The following CRB2 variants were observed in gnomAD, a reference collection of about 807,000 sequenced individuals.
CRB2 encodes the protein crumbs cell polarity complex component 2.
In CRB2, 85 loss-of-function variants were observed where a neutral mutation model predicts 110.9. The observed-to-expected ratio is 0.77, with a 90% CI of 0.64 to 0.92. The LOEUF (loss-of-function observed/expected upper bound fraction) is 0.92. CRB2 is among the 40% of genes least tolerant of loss of function. The pLI, the probability that CRB2 is intolerant of heterozygous loss-of-function variation, is 0.00. For synonymous variants in CRB2, 907 were observed against 831.0 expected (o/e 1.09, Z -1.57); for missense variants, 1,843 against 1,851.3 (o/e 1.00, Z 0.08).
rs754674614 is a variant in CRB2 at position 123,368,912 on chromosome 9, G to A, written c.1055-1196G>A. 9.0e-5 allele frequency: 114 copies of A among 1,263,460 alleles called. 1 individual carries two copies. The South Asian group carries it at 1.4e-3, about 15-fold the overall frequency. 78.3% of individuals were successfully genotyped at this position (1,263,460 alleles called of 1,614,324 possible). On this transcript the variant is annotated intron_variant, in intron 6 of 12. Coordinates refer to ENST00000373631, the MANE Select transcript of CRB2 (RefSeq NM_173689.7). ...GCATGGCAATGGAGCCGGGGGCTCT[G>A]TGGACCTTCCTGGGCCACCTGTGGC...
Position 123,365,947 on chromosome 9 carries a change from G to T in CRB2, c.449G>T (p.Cys150Phe). The change falls in exon 3 of 13, where the codon TGC (cysteine) becomes TTC (phenylalanine). Residue 150 changes from cysteine (C) to phenylalanine (F), a missense_variant. Coordinates refer to ENST00000373631, the MANE Select transcript of CRB2 (RefSeq NM_173689.7). ...ACCTGCGAGATGGAGGTGGACGAGT[G>T]CGCCTCAGCGCCCTGCCTGCACGGG... ...GVTCEMEVDE[C>F]ASAPCLHGGS... 1 of 1,596,644 alleles carries T rather than the reference G, an allele frequency of 6.3e-7. No homozygotes were observed.
rs766157498 is a variant in CRB2 at position 123,371,026 on chromosome 9, C to G, written c.1928-44C>G. 6.9e-6 allele frequency: 11 copies of G among 1,596,922 alleles called. No homozygotes were observed. The Admixed American group carries it at 1.9e-4, about 27-fold the overall frequency. On this transcript the variant is annotated intron_variant, in intron 7 of 12. Transcript: ENST00000373631. ...GAAGGCAGCACCTGAGATCTGCCTC[C>G]CTCAGCCTGCAGGCCTCACACCTGG...
Position 123,374,655 on chromosome 9 carries a change from G to A in CRB2, c.3466G>A (p.Ala1156Thr), listed in dbSNP as rs201603014. 9.6e-4 allele frequency: 1,541 copies of A among 1,612,438 alleles called. 19 individuals are homozygous for A. In the South Asian group the frequency reaches 0.014, roughly 15 times the overall value. Residue 1156 changes from alanine (A) to threonine (T), a missense_variant, in exon 11 of 13, where the codon GCT becomes ACT. Ala to Thr is a moderately conservative substitution (Grantham distance 58, BLOSUM62 0). Coordinates refer to ENST00000373631, the MANE Select transcript of CRB2 (RefSeq NM_173689.7). ...CAGCCCATGTGAGGGTGGCTCTCCC[G>A]CTGCCAACTGCAGCTGCCTGGAGGG... is the stretch of plus-strand genomic sequence containing the variant. ...DGSPCEGGSP[A>T]ANCSCLEGLA...
At chr9:123,378,798 G>GGTTTTTT (rs2042147702), downstream of CRB2, 1 of 71,734 alleles carries the variant, frequency 1.4e-5, no homozygotes, top group East Asian at 4.8e-4. Flanking sequence ...TCGGGTGCCT[G>GGTTTTTT]TTTTTTGTTT....
chr9:123,356,069 CT>C, upstream of CRB2: 1 of 439,408 alleles, frequency 2.3e-6, no homozygotes, highest in Middle Eastern at 5.7e-4. Flanking sequence ...GGGCTGATGT[CT>C]AGGGACGTCC....
intron 2 of CRB2, among the ~76,000 whole-genome samples, chr9:123,364,489 C>A (rs1380160040): frequency 2.0e-5 from 3 of 152,150 alleles, no homozygotes; most frequent in Non-Finnish European, 2.9e-5. Context: ...TCTTTCCATT[C>A]CAAGCCGGGT....
At chr9:123,357,029 G>A (rs953601790) in intron 1 of CRB2, among the ~76,000 whole-genome samples, 1 of 152,018 alleles carries the variant, frequency 6.6e-6, no homozygotes, top group African/African-American at 2.4e-5. Context: ...GTGCCTGCCC[G>A]CACCCCTCCA....
chr9:123,374,134 T>G (rs2042066543), intron 10 of CRB2: 1 of 775,732 alleles, frequency 1.3e-6, no homozygotes. Context: ...TAAACAGCGC[T>G]GTGGTCTGGG....
At chr9:123,357,035 C>T (rs1281397937) in intron 1 of CRB2, among the ~76,000 whole-genome samples, 1 of 152,082 alleles carries the variant, frequency 6.6e-6, no homozygotes, top group Non-Finnish European at 1.5e-5. Flanking sequence ...GCCCGCACCC[C>T]TCCATTTGTG....
In CRB2 at chr9:123,370,309, T is replaced by C. The variant is rs1459064888; in HGVS notation, c.1256T>C (p.Val419Ala). ...ATCIPIFESGVHSYVCHCPPG... is the reference protein window; with the variant it reads ...ATCIPIFESGAHSYVCHCPPG... ...TGCATCCCTATCTTCGAGTCTGGGGTCCACAGTTACGTCTGCCACTGCCCA... is the reference window on the plus strand; with the variant it reads ...TGCATCCCTATCTTCGAGTCTGGGGCCCACAGTTACGTCTGCCACTGCCCA... The change falls in exon 7 of 13, where the codon GTC becomes GCC. Residue 419 changes from valine (V) to alanine (A), a missense_variant. Physicochemically the swap from Val to Ala is moderately conservative, Grantham distance 64. Transcript: ENST00000373631. 2 of 1,613,302 alleles carry C rather than the reference T, an allele frequency of 1.2e-6. No individual in the cohort carries two copies. The highest frequency in any genetic ancestry group is 3.3e-5 in the Admixed American group (2 of 60,008).
rs577101919 is a variant in CRB2, at chr9:123,378,751, C to G, written c.*1689C>G. 2 of 147,164 alleles carry G rather than the reference C, an allele frequency of 1.4e-5. No homozygotes were observed. The highest frequency in any genetic ancestry group is 4.4e-4 in the South Asian group (2 of 4,500). 9.1% of individuals were successfully genotyped at this position (147,164 alleles called of 1,614,324 possible). On this transcript the variant is annotated 3_prime_UTR_variant, in exon 13 of 13. Coordinates refer to ENST00000373631, the MANE Select transcript of CRB2 (RefSeq NM_173689.7). ...GTGGAACCTAACATGCAGATGAAAGCTGGCTGTCCCCTGTCCTCTTCCTGG... is the reference window on the plus strand; with the variant it reads ...GTGGAACCTAACATGCAGATGAAAGGTGGCTGTCCCCTGTCCTCTTCCTGG...
rs1424227739 is a variant in CRB2, at chr9:123,371,240, C to T, written c.2098C>T (p.Leu700=). Residue 700 remains leucine, a synonymous_variant, in exon 8 of 13, where the codon CTG becomes TTG. Coordinates refer to ENST00000373631, the MANE Select transcript of CRB2 (RefSeq NM_173689.7). ...NDSAAGLTVF[L]SEGRIRAEVP... ...CTCCGCAGCTGGCCTAACAGTATTC[C>T]TGAGTGAGGGTCGGATCCGGGCTGA... is the stretch of plus-strand genomic sequence containing the variant. 2 of 1,613,856 alleles carry T rather than the reference C, an allele frequency of 1.2e-6. No homozygotes were observed. Among genetic ancestry groups the T allele is most frequent in the African/African-American group, 1.3e-5 (1 of 74,944 alleles).
chr9:123,375,700 ACT>A (rs1382348428), intron 12 of CRB2, among the ~76,000 whole-genome samples: 1 of 152,008 alleles, frequency 6.6e-6, no homozygotes, highest in African/African-American at 2.4e-5. Flanking sequence ...AATCCAGGAG[ACT>A]CATCTCCAGG....
At chr9:123,375,391 C>G in intron 12 of CRB2, 48 bp downstream of exon 12, 3 of 1,529,384 alleles carry the variant, frequency 2.0e-6, no homozygotes, top group Non-Finnish European at 2.6e-6. Flanking sequence ...CTGCTGGGCC[C>G]TTGGCGAGAT....
chr9:123,373,559 T>C lies in CRB2; in HGVS notation c.3028T>C (p.Phe1010Leu), dbSNP rs1423587764. The C allele has an allele frequency of 3.4e-6, 5 of 1,474,848 alleles. No homozygotes were observed. The highest frequency in any genetic ancestry group is 4.5e-6 in the Non-Finnish European group (5 of 1,116,466). 91.4% of individuals were successfully genotyped at this position (1,474,848 alleles called of 1,614,324 possible). Residue 1010 changes from phenylalanine to leucine, a missense_variant, in exon 10 of 13, where the codon TTC (phenylalanine) becomes CTC (leucine). Physicochemically the swap from Phe to Leu is conservative, Grantham distance 22. Transcript: ENST00000373631. Reference sequence around the variant, plus strand: ...TGTGCGCATCCTGCTGGCTGAGAACTTCACCGGCTGCTTGGGCCGCGTGGC... The same window carrying C: ...TGTGCGCATCCTGCTGGCTGAGAACCTCACCGGCTGCTTGGGCCGCGTGGC... ...GAVRILLAEN[F>L]TGCLGRVALG... is the part of the protein sequence containing the mutation.
In CRB2 at chr9:123,356,273, A is replaced by G. The variant is rs1441816893; in HGVS notation, c.13A>G (p.Arg5Gly). 2 of 1,529,596 alleles carry G rather than the reference A, an allele frequency of 1.3e-6. No individual in the cohort carries two copies. The highest frequency in any genetic ancestry group is 2.5e-5 in the East Asian group (1 of 40,384). The allele number at this position is 1,529,596 out of a possible 1,614,324, so 94.8% of individuals were successfully genotyped here. Residue 5 changes from arginine to glycine, a missense_variant, in exon 1 of 13, where the codon AGG (arginine) becomes GGG (glycine). Arg to Gly is a moderately radical substitution (Grantham distance 125). Coordinates refer to ENST00000373631, the MANE Select transcript of CRB2 (RefSeq NM_173689.7). MALA[R>G]PGTPDPQALA... ...AGAGCGGGCTGCCATGGCGCTGGCC[A>G]GGCCTGGGACCCCGGACCCCCAGGC...
At chr9:123,372,556 G>A (rs1225955761) in intron 9 of CRB2, among the ~76,000 whole-genome samples, 1 of 152,252 alleles carries the variant, frequency 6.6e-6, no homozygotes, top group African/African-American at 2.4e-5. Context: ...AGCCACAGGG[G>A]GAAGGATATT....
At position 123,377,072 on chromosome 9, in the gene CRB2, G is replaced by C; in HGVS notation, c.*10G>C. 4.6e-6 allele frequency: 7 copies of C among 1,533,298 alleles called. No individual in the cohort carries two copies. The highest frequency in any genetic ancestry group is 6.1e-6 in the Non-Finnish European group (7 of 1,139,562). The allele number at this position is 1,533,298 out of a possible 1,614,324, so 95.0% of individuals were successfully genotyped here. The stretch of plus-strand genomic sequence containing the variant: ...GGAGAGACTCATCTAGGCCAGCCTG[G>C]CTGCTGGCACCAGCACCTGGAGGTC... On this transcript the variant is annotated 3_prime_UTR_variant, in exon 13 of 13. Coordinates refer to ENST00000373631, the MANE Select transcript of CRB2 (RefSeq NM_173689.7).
intron 1 of CRB2, 45 bp downstream of exon 1, chr9:123,356,399 C>A (rs1392787804): frequency 1.4e-6 from 2 of 1,430,652 alleles, no homozygotes; most frequent in Non-Finnish European, 1.9e-6. Context: ...GAGGGTCTGT[C>A]CCCCAAGACA....
Sources: gnomAD v4.1 joint callset for allele counts (sites outside exome capture counted in the v4.1 genomes callset) on GRCh38, gnomAD v4.1.1 for gene constraint, MANE v1.5 for transcripts, NCBI Gene and HGNC (gene_info 2026-07-23, HGNC 2026-07-21) for gene names.